Variants in PRELID2 observed in about 807,000 individuals in gnomAD.
PRELID2 encodes the protein PRELI domain containing 2.
PRELID2 carries 25 observed loss-of-function variants against 28.4 expected under a neutral mutation model. The ratio of observed to expected loss-of-function variants is 0.88; its 90% CI spans 0.64 to 1.23. The LOEUF is 1.23. Ranked by LOEUF, PRELID2 falls within the 50% of genes most tolerant of loss-of-function variation. The pLI, the probability that PRELID2 is intolerant of heterozygous loss-of-function variation, is 0.00. For missense variants in PRELID2, 201 were observed against 214.4 expected (o/e 0.94, Z 0.39); for synonymous variants, 76 against 71.6 (o/e 1.06, Z -0.31).
chr5:145,661,684 A>C (rs926552362), intron 1 of PRELID2, among the ~76,000 whole-genome samples: 2 of 151,140 alleles, frequency 1.3e-5, no homozygotes, highest in Admixed American at 1.3e-4. Context: ...AAAAAAAAAA[A>C]AAAAACATGT....
At chr5:145,505,378 T>C (rs1039705480) in intron 1 of PRELID2, among the ~76,000 whole-genome samples, 3 of 152,176 alleles carry the variant, frequency 2.0e-5, no homozygotes, top group Non-Finnish European at 4.4e-5. Flanking sequence ...TGAGTTGGAC[T>C]GTAGCTCTCA....
At chr5:145,590,871 G>A (rs548461422) in intron 1 of PRELID2, among the ~76,000 whole-genome samples, 2 of 152,006 alleles carry the variant, frequency 1.3e-5, no homozygotes, top group Admixed American at 1.3e-4. Context: ...AAGATAGAAT[G>A]GACACTGTCT....
chr5:145,421,194 C>T, the PRELID2 span, among the ~76,000 whole-genome samples: 18 of 150,454 alleles, frequency 1.2e-4, no homozygotes, highest in Non-Finnish European at 2.2e-4. Flanking sequence ...CTAAAATTCT[C>T]TTTTTTTGTT....
At chr5:145,513,321 C>A (rs984290421) in intron 1 of PRELID2, among the ~76,000 whole-genome samples, 2 of 151,586 alleles carry the variant, frequency 1.3e-5, no homozygotes, top group Non-Finnish European at 2.9e-5. Flanking sequence ...AAAAACATAG[C>A]ACAAGAACTT....
chr5:145,818,339 T>C (rs919791577), intron 3 of PRELID2, among the ~76,000 whole-genome samples: 2 of 152,184 alleles, frequency 1.3e-5, no homozygotes, highest in Non-Finnish European at 2.9e-5. Flanking sequence ...CTCCTTCGCG[T>C]CTCCTCTAAG....
the PRELID2 span, among the ~76,000 whole-genome samples, chr5:145,357,273 G>C: frequency 6.6e-6 from 1 of 152,102 alleles, no homozygotes; most frequent in Non-Finnish European, 1.5e-5. Context: ...CTGGATTTGA[G>C]GGTTGTCCTC....
chr5:145,555,622 T>C (rs1354174238), intron 1 of PRELID2, among the ~76,000 whole-genome samples: 2 of 152,148 alleles, frequency 1.3e-5, no homozygotes, highest in Non-Finnish European at 2.9e-5. Context: ...TATCAATAAT[T>C]TGAAATAGGA....
intron 1 of PRELID2, among the ~76,000 whole-genome samples, chr5:145,610,747 C>T (rs1753601359): frequency 6.6e-6 from 1 of 152,034 alleles, no homozygotes; most frequent in Non-Finnish European, 1.5e-5. Context: ...CAAGTATTTT[C>T]TCCTACTTTC....
intron 1 of PRELID2, among the ~76,000 whole-genome samples, chr5:145,617,443 ATTC>A (rs1389267988): frequency 6.6e-6 from 1 of 152,222 alleles, no homozygotes; most frequent in African/African-American, 2.4e-5. Context: ...CACAATTTAT[ATTC>A]TTCTGCCATG....
intron 1 of PRELID2, among the ~76,000 whole-genome samples, chr5:145,661,853 A>C (rs1754501510): frequency 6.6e-6 from 1 of 152,012 alleles, no homozygotes; most frequent in Non-Finnish European, 1.5e-5. Context: ...AATATAAAAA[A>C]ATAGATTATA....
At chr5:145,545,528 T>C (rs1339243717) in intron 1 of PRELID2, among the ~76,000 whole-genome samples, 1 of 152,088 alleles carries the variant, frequency 6.6e-6, no homozygotes, top group Non-Finnish European at 1.5e-5. Context: ...TCCTTCCACC[T>C]GTGGTCAAAT....
chr5:145,556,192 A>G (rs1382901841), intron 1 of PRELID2, among the ~76,000 whole-genome samples: 7 of 151,610 alleles, frequency 4.6e-5, no homozygotes, highest in East Asian at 1.9e-4. Context: ...AAAAAAAAAA[A>G]AAAAAGAAAA....
intron 1 of PRELID2, among the ~76,000 whole-genome samples, chr5:145,584,617 G>A (rs1753135876): frequency 6.6e-6 from 1 of 150,854 alleles, no homozygotes; most frequent in East Asian, 1.9e-4. Context: ...ACTAAAAAGT[G>A]GGCAAAGGAC....
At chr5:145,338,349 A>G in the PRELID2 span, 1 of 152,196 alleles carries the variant, frequency 6.6e-6, no homozygotes, top group African/African-American at 2.4e-5. Context: ...CCTTGTAGTT[A>G]ATTGTAGAGC....
chr5:145,441,001 T>G, the PRELID2 span: 1 of 152,056 alleles, frequency 6.6e-6, no homozygotes, highest in African/African-American at 2.4e-5. Flanking sequence ...ATGAGCACCT[T>G]TCTTGCATAT....
chr5:145,416,200 G>T, the PRELID2 span, among the ~76,000 whole-genome samples: 1 of 151,870 alleles, frequency 6.6e-6, no homozygotes, highest in Non-Finnish European at 1.5e-5. Context: ...CAGATGAGTC[G>T]GTTGGCTAGC....
chr5:145,254,508 A>C, the PRELID2 span, among the ~76,000 whole-genome samples: 1 of 152,126 alleles, frequency 6.6e-6, no homozygotes, highest in African/African-American at 2.4e-5. Context: ...AGAGCAATGA[A>C]GAGAAAGTGG....
intron 1 of PRELID2, among the ~76,000 whole-genome samples, chr5:145,483,786 A>C (rs1406580500): frequency 6.6e-6 from 1 of 152,222 alleles, no homozygotes; most frequent in Non-Finnish European, 1.5e-5. Flanking sequence ...ACAATATGCT[A>C]AGATAATTGT....
At chr5:145,763,207 T>A (rs1183431578) in intron 6 of PRELID2, among the ~76,000 whole-genome samples, 1 of 152,170 alleles carries the variant, frequency 6.6e-6, no homozygotes, top group African/African-American at 2.4e-5. Flanking sequence ...CCCTCCAGAG[T>A]AAGATGGGAT....
Sources: gnomAD v4.1 joint callset for allele counts (sites outside exome capture counted in the v4.1 genomes callset) on GRCh38, gnomAD v4.1.1 for gene constraint, MANE v1.5 for transcripts, NCBI Gene and HGNC (gene_info 2026-07-23, HGNC 2026-07-21) for gene names.